Variants in MEF2C observed in about 807,000 individuals in gnomAD.
MEF2C encodes the protein myocyte-specific enhancer factor 2C.
A neutral mutation model predicts 50.5 loss-of-function variants in MEF2C; 6 were observed. That is an observed-to-expected ratio of 0.12 (90% confidence interval 0.07 to 0.23). The LOEUF (loss-of-function observed/expected upper bound fraction) is 0.23. MEF2C is among the 10% of genes least tolerant of loss of function. The pLI is 1.00. For missense variants in MEF2C, 276 were observed against 605.0 expected (o/e 0.46, Z 5.70); for synonymous variants, 183 against 228.0 (o/e 0.80, Z 1.78).
chr5:88,815,175 T>A (rs1804751092), intron 2 of MEF2C, among the ~76,000 whole-genome samples: 1 of 152,090 alleles, frequency 6.6e-6, no homozygotes, highest in South Asian at 2.1e-4. Flanking sequence ...TGTTTACTAG[T>A]TCAACAAAGC....
intron 4 of MEF2C, among the ~76,000 whole-genome samples, chr5:88,756,319 C>A (rs764636334): frequency 6.6e-6 from 1 of 152,164 alleles, no homozygotes. Flanking sequence ...TACCTTCCCC[C>A]CTTTTGGAGT....
intron 1 of MEF2C, 45 bp from the exon 2 acceptor site, chr5:88,823,975 G>A: frequency 7.3e-7 from 1 of 1,365,906 alleles, no homozygotes; most frequent in Non-Finnish European, 9.5e-7. Flanking sequence ...CAGCAAGTCA[G>A]TTTCATAAGA....
intron 4 of MEF2C, among the ~76,000 whole-genome samples, chr5:88,759,765 T>C (rs952901552): frequency 6.6e-6 from 1 of 152,264 alleles, no homozygotes; most frequent in Non-Finnish European, 1.5e-5. Flanking sequence ...GTTCTACTGC[T>C]GACATTTCAT....
intron 1 of MEF2C, among the ~76,000 whole-genome samples, chr5:88,874,582 T>A (rs1830510084): frequency 1.3e-5 from 2 of 151,966 alleles, no homozygotes; most frequent in African/African-American, 4.8e-5. Context: ...CTTATACATT[T>A]TTTAAGATCT....
At chr5:88,883,182 TGCGAGCAGA>T (rs1227474050) in exon 1 of MEF2C, 2 of 142,652 alleles carry the variant, frequency 1.4e-5, no homozygotes, top group African/African-American at 2.5e-5. Flanking sequence ...TGTCTGTGAC[TGCGAGCAGA>T]GCGAGCAGAG....
At chr5:88,867,262 T>C (rs1827707068) in intron 1 of MEF2C, among the ~76,000 whole-genome samples, 2 of 152,334 alleles carry the variant, frequency 1.3e-5, no homozygotes, top group Non-Finnish European at 2.9e-5. Flanking sequence ...TTCCCTAAGA[T>C]GCCAGGCAAA....
chr5:88,863,851 T>A (rs1826343820), intron 1 of MEF2C, among the ~76,000 whole-genome samples: 1 of 147,138 alleles, frequency 6.8e-6, no homozygotes, highest in Non-Finnish European at 1.5e-5. Flanking sequence ...AGAGAGAGCC[T>A]CGCTCTGTCT....
chr5:88,889,923 C>G (rs1050291873), intron 1 of MEF2C, among the ~76,000 whole-genome samples: 3 of 152,226 alleles, frequency 2.0e-5, no homozygotes, highest in Non-Finnish European at 4.4e-5. Flanking sequence ...CGCTGGCACA[C>G]GGTCCACGTC....
At chr5:88,831,760 C>G (rs1406421583) in intron 1 of MEF2C, among the ~76,000 whole-genome samples, 1 of 152,012 alleles carries the variant, frequency 6.6e-6, no homozygotes, top group African/African-American at 2.4e-5. Flanking sequence ...AGTGATTCAT[C>G]AATTTTTCTA....
chr5:88,759,878 G>A (rs191483600), intron 4 of MEF2C, among the ~76,000 whole-genome samples: 2 of 152,328 alleles, frequency 1.3e-5, no homozygotes, highest in East Asian at 3.9e-4. Context: ...ATTCAGGTTT[G>A]AGTGTGCAGC....
chr5:88,753,643 G>A (rs1435766593), intron 4 of MEF2C, among the ~76,000 whole-genome samples: 2 of 152,116 alleles, frequency 1.3e-5, no homozygotes, highest in South Asian at 2.1e-4. Flanking sequence ...CGCCCACCTC[G>A]GCCTCCCAAA....
chr5:88,848,948 C>T (rs1353709403), intron 1 of MEF2C, among the ~76,000 whole-genome samples: 4 of 151,836 alleles, frequency 2.6e-5, no homozygotes, highest in Non-Finnish European at 4.4e-5. Flanking sequence ...GTCAGGAGTT[C>T]GAGACCAGCC....
At chr5:88,743,393 T>A in intron 6 of MEF2C, 4 of 985,322 alleles carry the variant, frequency 4.1e-6, no homozygotes, top group Non-Finnish European at 4.8e-6. Context: ...AAATTTTTGA[T>A]AAGTATTCTT....
intron 1 of MEF2C, among the ~76,000 whole-genome samples, chr5:88,829,460 C>T (rs1446473428): frequency 2.0e-5 from 3 of 152,028 alleles, no homozygotes; most frequent in Non-Finnish European, 2.9e-5. Context: ...TTTGTTTCAC[C>T]GTTTTATCCA....
chr5:88,787,893 T>G (rs1791757906), intron 3 of MEF2C, among the ~76,000 whole-genome samples: 1 of 152,232 alleles, frequency 6.6e-6, no homozygotes. Flanking sequence ...CTCTTCTTCC[T>G]CAGGGCAATT....
chr5:88,899,074 CT>C (rs1255522677), intron 1 of MEF2C, among the ~76,000 whole-genome samples: 1 of 152,108 alleles, frequency 6.6e-6, no homozygotes, highest in Non-Finnish European at 1.5e-5. Flanking sequence ...CCATTCAGTA[CT>C]TTTTTGTCAA....
intron 3 of MEF2C, among the ~76,000 whole-genome samples, chr5:88,774,392 G>A (rs1055660937): frequency 6.7e-6 from 1 of 148,342 alleles, no homozygotes; most frequent in Non-Finnish European, 1.5e-5. Context: ...GGGCGATCTC[G>A]GCTCACTGCA....
chr5:88,723,764 A>C (rs1418935403), intron 10 of MEF2C, among the ~76,000 whole-genome samples: 2 of 152,230 alleles, frequency 1.3e-5, no homozygotes, highest in Non-Finnish European at 2.9e-5. Flanking sequence ...CATTGGCATT[A>C]GTTGATGAAT....
chr5:88,738,965 G>T, intron 6 of MEF2C: 1 of 980,700 alleles, frequency 1.0e-6, no homozygotes, highest in Non-Finnish European at 1.2e-6. Context: ...GCTATTTTGA[G>T]TGGATGATTA....
Sources: allele counts gnomAD v4.1 joint callset (sites outside exome capture counted in the v4.1 genomes callset), GRCh38; gene constraint gnomAD v4.1.1; transcripts MANE v1.5; gene names NCBI Gene and HGNC (gene_info 2026-07-23, HGNC 2026-07-21).